Variants in DNAJC7 observed in about 807,000 individuals in gnomAD.
The protein encoded by DNAJC7 is DnaJ heat shock protein family (Hsp40) member C7, also known as dnaJ homolog subfamily C member 7.
A neutral mutation model predicts 67.4 loss-of-function variants in DNAJC7; 18 were observed. The observed-to-expected ratio is 0.27, with a 90% CI of 0.18 to 0.40. The LOEUF (loss-of-function observed/expected upper bound fraction) is 0.40. DNAJC7 is among the 10% of genes least tolerant of loss of function. The pLI is 1.00. For missense variants in DNAJC7, 419 were observed against 613.8 expected, an observed-to-expected ratio of 0.68 and a Z score of 3.35; for synonymous variants, 220 against 207.8, an observed-to-expected ratio of 1.06 and a Z score of -0.50.
chr17:41,979,341 A>G (rs1159499284), intron 12 of DNAJC7, among the ~76,000 whole-genome samples: 1 of 151,382 alleles, frequency 6.6e-6, no homozygotes, highest in Non-Finnish European at 1.5e-5. Flanking sequence ...CATGTCTCAA[A>G]AACATAACAA....
At chr17:42,000,415 T>G (rs1598142723) in intron 2 of DNAJC7, 67 bp downstream of exon 2, 1 of 1,075,060 alleles carries the variant, frequency 9.3e-7, no homozygotes, top group South Asian at 1.4e-5. Context: ...CACCAGGACT[T>G]GGCAGCTACT....
chr17:41,977,055 C>T (rs1447394329), intron 13 of DNAJC7: 9 of 652,202 alleles, frequency 1.4e-5, no homozygotes, highest in South Asian at 4.0e-5. Context: ...TGCAGAGATG[C>T]GGTGGCTAAA....
intron 5 of DNAJC7, among the ~76,000 whole-genome samples, chr17:41,993,381 C>G (rs1366660554): frequency 6.6e-6 from 1 of 152,174 alleles, no homozygotes; most frequent in Non-Finnish European, 1.5e-5. Flanking sequence ...ATGGCATGAA[C>G]CCAGGAGGCG....
Position 41,989,287 on chromosome 17 carries a change from G to A in DNAJC7, c.753+117C>T, listed in dbSNP as rs1383114100. On this transcript the variant is annotated intron_variant, in intron 7 of 13. Transcript: ENST00000457167. ...TTTCTAATAAAGACCAAGCATCCTT[G>A]CAAAGCAGGAGGAAAAGCTATCACA... The A allele has an allele frequency of 4.3e-5, 59 of 1,372,156 alleles. No individual in the cohort carries two copies. The Middle Eastern group carries it at 1.1e-3, about 25-fold the overall frequency. 85.0% of individuals were successfully genotyped at this position (1,372,156 alleles called of 1,614,324 possible).
intron 9 of DNAJC7, among the ~76,000 whole-genome samples, chr17:41,986,354 A>C (rs1555646825): frequency 6.6e-6 from 1 of 151,654 alleles, no homozygotes; most frequent in East Asian, 1.9e-4. Flanking sequence ...CGACATAGCG[A>C]GACTCCATCC....
intron 2 of DNAJC7, 123 bp downstream of exon 2, chr17:42,000,359 T>A: frequency 1.6e-6 from 1 of 644,720 alleles, no homozygotes; most frequent in Non-Finnish European, 2.6e-6. Context: ...TCTAAAGTGA[T>A]CCTCCTGCTT....
At chr17:42,005,000 G>C (rs1218875784) in intron 1 of DNAJC7, among the ~76,000 whole-genome samples, 1 of 152,168 alleles carries the variant, frequency 6.6e-6, no homozygotes, top group Non-Finnish European at 1.5e-5. Flanking sequence ...ACTCTAGCCT[G>C]AATGACAGAG....
chr17:41,978,704 TAAA>T (rs2051158354), intron 12 of DNAJC7, among the ~76,000 whole-genome samples: 1 of 150,912 alleles, frequency 6.6e-6, no homozygotes, highest in African/African-American at 2.4e-5. Flanking sequence ...CTAAAAAAAA[TAAA>T]AATAAAAATA....
At chr17:41,979,959 TCAAAAAACAAAACAAAA>T (rs1476017523) in intron 12 of DNAJC7, among the ~76,000 whole-genome samples, 3 of 151,376 alleles carry the variant, frequency 2.0e-5, no homozygotes, top group Non-Finnish European at 4.4e-5. Context: ...AGACTCCGTC[TCAAAAAACAAAACAAAA>T]CAAAAAACAA....
At chr17:41,985,448 G>C (rs1166590606) in intron 9 of DNAJC7, 1 of 150,426 alleles carries the variant, frequency 6.6e-6, no homozygotes, top group African/African-American at 2.4e-5. Flanking sequence ...AAAATTGATA[G>C]CTGATAGCCC....
Position 41,990,355 on chromosome 17 carries a change from C to G in DNAJC7, c.508G>C (p.Glu170Gln). 1 of 1,610,654 alleles carries G rather than the reference C, an allele frequency of 6.2e-7. No homozygotes were observed. The highest frequency in any genetic ancestry group is 8.5e-7 in the Non-Finnish European group (1 of 1,178,478). The change falls in exon 6 of 14, where the codon GAA becomes CAA. Residue 170 changes from glutamate (E) to glutamine (Q), a missense_variant. Glu to Gln is a conservative substitution (Grantham distance 29, BLOSUM62 2). This residue lies in a region of DNAJC7 where 179 missense variants were observed against 249.7 expected (regional missense o/e 0.72). Coordinates refer to ENST00000457167, the MANE Select transcript of DNAJC7 (RefSeq NM_003315.4). ...KVVFCMDRALEFAPACHRFKI... is the reference protein window; with the variant it reads ...KVVFCMDRALQFAPACHRFKI... ...AAGCGATGGCAGGCAGGGGCAAATTCTAGGGCACGGTCCATGCAGAAAACA... is the reference window on the plus strand; with the variant it reads ...AAGCGATGGCAGGCAGGGGCAAATTGTAGGGCACGGTCCATGCAGAAAACA...
chr17:42,004,649 C>T lies in DNAJC7; in HGVS notation c.78-4079G>A, dbSNP rs116610457. On this transcript the variant is annotated intron_variant, in intron 1 of 13. Coordinates refer to ENST00000457167, the MANE Select transcript of DNAJC7 (RefSeq NM_003315.4). ...AGGATCTCTCACAACAGGATCAGCA[C>T]ACTGGAAGCCCTGGCCTTCAGAGAA... Among the ~76,000 whole-genome samples the T allele has an allele frequency of 2.6e-3, 395 of 152,312 alleles. 2 individuals carry two copies. The highest frequency in any genetic ancestry group is 9.1e-3 in the African/African-American group (380 of 41,562).
intron 1 of DNAJC7, among the ~76,000 whole-genome samples, chr17:42,006,536 C>T (rs1421132430): frequency 1.3e-5 from 2 of 151,574 alleles, no homozygotes; most frequent in Non-Finnish European, 2.9e-5. Flanking sequence ...CGGTGGCTCA[C>T]GCCTGTAATC....
chr17:41,981,825 A>T, intron 12 of DNAJC7, 30 bp downstream of exon 12: 1 of 1,607,428 alleles, frequency 6.2e-7, no homozygotes, highest in South Asian at 1.1e-5. Context: ...CAGCTGTCAA[A>T]TTCATCCCAG....
chr17:41,989,304 G>T, intron 7 of DNAJC7, 100 bp downstream of exon 7: 2 of 1,451,282 alleles, frequency 1.4e-6, no homozygotes, highest in Non-Finnish European at 1.9e-6. Context: ...AGGAGGAAAA[G>T]CTATCACATT....
chr17:41,991,588 C>T (rs782192857), intron 5 of DNAJC7, among the ~76,000 whole-genome samples: 4 of 152,118 alleles, frequency 2.6e-5, no homozygotes, highest in Admixed American at 6.5e-5. Context: ...GACATAAGAA[C>T]AGTGGTTAGC....
intron 1 of DNAJC7, chr17:42,013,062 C>G (rs1199940200): frequency 6.6e-6 from 1 of 152,230 alleles, no homozygotes; most frequent in Non-Finnish European, 1.5e-5. Context: ...TGGCCTCAGC[C>G]TCCCAAGGTG....
chr17:42,006,342 A>G (rs2051955082), intron 1 of DNAJC7, among the ~76,000 whole-genome samples: 1 of 150,772 alleles, frequency 6.6e-6, no homozygotes, highest in South Asian at 2.1e-4. Flanking sequence ...TTGAGAAAAG[A>G]GCTTTATTTA....
intron 2 of DNAJC7, among the ~76,000 whole-genome samples, chr17:41,999,158 C>CTACA (rs1555649066): frequency 6.6e-6 from 1 of 151,982 alleles, no homozygotes; most frequent in Non-Finnish European, 1.5e-5. Context: ...TCTTGGCTCA[C>CTACA]TACAACCTCT....
Sources: gnomAD v4.1 joint callset for allele counts (sites outside exome capture counted in the v4.1 genomes callset) on GRCh38, gnomAD v4.1.1 for gene constraint, gnomAD v4.1.1 regional missense constraint, MANE v1.5 for transcripts, NCBI Gene and HGNC (gene_info 2026-07-23, HGNC 2026-07-21) for gene names.